The following BEND5 variants were observed in gnomAD, a reference collection of about 807,000 sequenced individuals.
BEND5 encodes BEN domain-containing protein 5.
A neutral mutation model predicts 43.9 loss-of-function variants in BEND5; 22 were observed. The ratio of observed to expected loss-of-function variants is 0.50; its 90% CI spans 0.36 to 0.72. BEND5 has a LOEUF of 0.72. Ranked by LOEUF, BEND5 falls within the 30% of genes least tolerant of loss-of-function variation. BEND5 has a pLI of 0.00. For synonymous variants in BEND5, 228 were observed against 225.9 expected (o/e 1.01, Z -0.08); for missense variants, 428 against 550.6 (o/e 0.78, Z 2.23).
intron 1 of BEND5, among the ~76,000 whole-genome samples, chr1:48,763,418 G>T (rs1299467960): frequency 6.6e-6 from 1 of 152,128 alleles, no homozygotes; most frequent in East Asian, 1.9e-4. Context: ...CTGCTAAAAT[G>T]TAAAATCTAA....
Position 48,759,422 on chromosome 1 carries a change from A to T in BEND5, c.361-138T>A, listed in dbSNP as rs546783573. Reference sequence around the variant, plus strand: ...CTTGGAGAAACCTGTGCAAACACTTAGTCAAAGCCCTTCATTTTATAAATG... The same window carrying T: ...CTTGGAGAAACCTGTGCAAACACTTTGTCAAAGCCCTTCATTTTATAAATG... On this transcript the variant is annotated intron_variant, in intron 2 of 5. Transcript: ENST00000371833. The T allele has an allele frequency of 4.4e-5, 60 of 1,355,298 alleles. No individual in the cohort carries two copies. In the Admixed American group the frequency reaches 1.4e-3, roughly 32 times the overall value. 84.0% of individuals were successfully genotyped at this position (1,355,298 alleles called of 1,614,324 possible).
rs142533057 is a variant in BEND5 at position 48,759,099 on chromosome 1, C to T, written c.546G>A (p.Leu182=). Residue 182 remains leucine (L), a synonymous_variant, in exon 3 of 6, where the codon CTG becomes CTA. Coordinates refer to ENST00000371833, the MANE Select transcript of BEND5 (RefSeq NM_024603.4). ...GGTAGTTGCGCAGCAGCTCCTCATA[C>T]AGAGCCCGGGGCACCACAGCATCTT... The part of the protein sequence containing the change: ...SLEDAVVPRA[L]YEELLRNYQQ... 1.9e-6 allele frequency: 3 copies of T among 1,611,756 alleles called. No individual in the cohort carries two copies. The highest frequency in any genetic ancestry group is 2.5e-6 in the Non-Finnish European group (3 of 1,178,836).
intron 1 of BEND5, among the ~76,000 whole-genome samples, chr1:48,767,890 A>G (rs1261210557): frequency 6.6e-6 from 1 of 152,206 alleles, no homozygotes; most frequent in Non-Finnish European, 1.5e-5. Flanking sequence ...TCAGCTAATT[A>G]CATTCATCCA....
intron 3 of BEND5, among the ~76,000 whole-genome samples, chr1:48,745,222 A>C (rs557345976): frequency 3.1e-4 from 47 of 152,242 alleles, no homozygotes; most frequent in African/African-American, 6.7e-4. Context: ...AAAGATTCTG[A>C]AGTAAAGTCC....
Position 48,776,635 on chromosome 1 carries a change from A to C in BEND5, c.197T>G (p.Leu66Arg). Residue 66 changes from leucine to arginine, a missense_variant, in exon 1 of 6, where the codon CTC (leucine) becomes CGC (arginine). Leu to Arg is a moderately radical substitution (Grantham distance 102). Around this residue, in one of 4 missense-constraint regions of BEND5, gnomAD observed 107 missense variants for 98.8 expected, o/e 1.08. Coordinates refer to ENST00000371833, the MANE Select transcript of BEND5 (RefSeq NM_024603.4). ...RAPRDWGALL[L>R]HKAQILALAE... ...CAGCGCCAGGATCTGGGCCTTGTGG[A>C]GCAACAGCGCGCCCCAGTCGCGGGG... The C allele has an allele frequency of 2.0e-6, 3 of 1,470,504 alleles. No homozygotes were observed. The highest frequency in any genetic ancestry group is 2.7e-6 in the Non-Finnish European group (3 of 1,114,918). The allele number at this position is 1,470,504 out of a possible 1,614,324, so 91.1% of individuals were successfully genotyped here. A position where few individuals can be genotyped will look rare whatever the true frequency, so the allele number is the denominator to read the frequency against.
At chr1:48,741,547 G>A (rs971412346) in intron 4 of BEND5, among the ~76,000 whole-genome samples, 6 of 152,202 alleles carry the variant, frequency 3.9e-5, no homozygotes, top group African/African-American at 1.4e-4. Context: ...GGCGCTCAGT[G>A]GGAGATGCAG....
intron 5 of BEND5, among the ~76,000 whole-genome samples, chr1:48,728,846 A>G (rs541668355): frequency 5.4e-4 from 82 of 152,308 alleles, no homozygotes; most frequent in African/African-American, 1.9e-3. Flanking sequence ...CCCCATTTCA[A>G]TAGTACTTGA....
Position 48,761,350 on chromosome 1 carries a change from A to G in BEND5, c.347T>C (p.Leu116Pro), listed in dbSNP as rs1474255610. Residue 116 changes from leucine (L) to proline (P), a missense_variant, in exon 2 of 6, where the codon CTT becomes CCT. By Grantham distance (98) the Leu-to-Pro change is moderately conservative. Transcript: ENST00000371833. ...VKDYGEEDLQ[L>P]RHIKRPEGRK... ...AGATTTTGTTACCTTGATGTGTCTAAGCTGTAAATCTTCTTCCCCATAATC... is the reference window on the plus strand; with the variant it reads ...AGATTTTGTTACCTTGATGTGTCTAGGCTGTAAATCTTCTTCCCCATAATC... The G allele has an allele frequency of 1.3e-6, 2 of 1,551,892 alleles. No homozygotes were observed. The highest frequency in any genetic ancestry group is 2.4e-5 in the East Asian group (1 of 40,910).
chr1:48,773,429 G>A (rs1431479567), intron 1 of BEND5, among the ~76,000 whole-genome samples: 2 of 152,092 alleles, frequency 1.3e-5, no homozygotes, highest in Non-Finnish European at 2.9e-5. Flanking sequence ...GACCCTCCAA[G>A]AGGGACAGCC....
chr1:48,751,833 G>A (rs1006750295), intron 3 of BEND5, among the ~76,000 whole-genome samples: 10 of 152,122 alleles, frequency 6.6e-5, no homozygotes, highest in Admixed American at 2.0e-4. Flanking sequence ...ACTGCCCCCA[G>A]GAAAACGGAG....
At chr1:48,730,108 C>A (rs1647855737) in intron 5 of BEND5, among the ~76,000 whole-genome samples, 1 of 152,194 alleles carries the variant, frequency 6.6e-6, no homozygotes, top group Non-Finnish European at 1.5e-5. Flanking sequence ...ACCTAGAACT[C>A]TGTGCTCCCA....
intron 1 of BEND5, 72 bp downstream of exon 1, chr1:48,776,534 C>T (rs1375767616): frequency 1.7e-6 from 2 of 1,160,054 alleles, no homozygotes; most frequent in African/African-American, 1.6e-5. Flanking sequence ...CCCCTCCGCC[C>T]GGGCCCCCGG....
At chr1:48,744,983 A>C (rs945435068) in intron 3 of BEND5, among the ~76,000 whole-genome samples, 17 of 108,344 alleles carry the variant, frequency 1.6e-4, no homozygotes, top group African/African-American at 5.0e-4. Flanking sequence ...CTTGATTGTC[A>C]TCACTCCCAG....
chr1:48,754,438 G>T (rs569456041), intron 3 of BEND5, among the ~76,000 whole-genome samples: 72 of 152,170 alleles, frequency 4.7e-4, no homozygotes, highest in Admixed American at 1.1e-3. Flanking sequence ...GGATACCCTC[G>T]ATAACTGTTC....
Position 48,727,806 on chromosome 1 carries a change from G to C in BEND5, c.*80C>G. 7.3e-7 allele frequency: 1 copy of C among 1,377,106 alleles called. No individual in the cohort carries two copies. Among genetic ancestry groups the C allele is most frequent in the Non-Finnish European group, 1.0e-6 (1 of 987,044 alleles). The allele number at this position is 1,377,106 out of a possible 1,614,324, so 85.3% of individuals were successfully genotyped here. On this transcript the variant is annotated 3_prime_UTR_variant, in exon 6 of 6. Coordinates refer to ENST00000371833, the MANE Select transcript of BEND5 (RefSeq NM_024603.4). ...CACACACACCACCATGCACGGTGGG[G>C]TCTGATTTGGACGGCACCATCGCTC... is the stretch of plus-strand genomic sequence containing the variant.
chr1:48,752,455 A>G (rs1457907962), intron 3 of BEND5, among the ~76,000 whole-genome samples: 1 of 152,212 alleles, frequency 6.6e-6, no homozygotes, highest in African/African-American at 2.4e-5. Context: ...CAGACCAGTG[A>G]GTTTGAAATC....
In BEND5 at chr1:48,776,771, C is replaced by G; in HGVS notation, c.61G>C (p.Val21Leu). ...CGCGAGCGGGGGCTGAAGTCGCGCA[C>G]GCACGACACGGGCAGCGCGTAGCAG... ...NVCYALPVSC[V>L]RDFSPRSRLD... Residue 21 changes from valine (V) to leucine (L), a missense_variant, in exon 1 of 6, where the codon GTG becomes CTG. Around this residue, in one of 4 missense-constraint regions of BEND5, gnomAD observed 107 missense variants for 98.8 expected, o/e 1.08. Coordinates refer to ENST00000371833, the MANE Select transcript of BEND5 (RefSeq NM_024603.4). 1 of 1,524,676 alleles carries G rather than the reference C, an allele frequency of 6.6e-7. No homozygotes were observed. Among genetic ancestry groups the G allele is most frequent in the Non-Finnish European group, 8.8e-7 (1 of 1,136,588 alleles). The allele number at this position is 1,524,676 out of a possible 1,614,324, so 94.4% of individuals were successfully genotyped here.
chr1:48,737,635 A>G (rs961607889), intron 4 of BEND5, among the ~76,000 whole-genome samples: 1 of 152,194 alleles, frequency 6.6e-6, no homozygotes, highest in Non-Finnish European at 1.5e-5. Context: ...TATGCTCCCT[A>G]TGAGTTTCAG....
intron 3 of BEND5, among the ~76,000 whole-genome samples, chr1:48,753,713 G>A (rs1652100226): frequency 1.3e-5 from 2 of 152,162 alleles, no homozygotes; most frequent in African/African-American, 4.8e-5. Flanking sequence ...CTCTAAAACG[G>A]AGATAATAAT....
Sources: gnomAD v4.1 joint callset for allele counts (sites outside exome capture counted in the v4.1 genomes callset) on GRCh38, gnomAD v4.1.1 for gene constraint, gnomAD v4.1.1 regional missense constraint, MANE v1.5 for transcripts, NCBI Gene and HGNC (gene_info 2026-07-23, HGNC 2026-07-21) for gene names.